The following DHRSX variants were observed in gnomAD, a reference collection of about 807,000 sequenced individuals.
DHRSX encodes polyprenol dehydrogenase.
In DHRSX, 31 loss-of-function variants were observed where a neutral mutation model predicts 34.0. The ratio of observed to expected loss-of-function variants is 0.91; its 90% CI spans 0.69 to 1.23. The LOEUF is 1.23. Ranked by LOEUF, DHRSX falls within the 50% of genes most tolerant of loss-of-function variation. DHRSX has a pLI of 0.00. For synonymous variants in DHRSX, 201 were observed against 183.8 expected (o/e 1.09, Z -0.76); for missense variants, 414 against 428.1 (o/e 0.97, Z 0.29).
At chrX:2,397,062 G>A (rs958376957) in intron 3 of DHRSX, among the ~76,000 whole-genome samples, 1 of 151,902 alleles carries the variant, frequency 6.6e-6, no homozygotes. Context: ...GTACAGGGTC[G>A]CGATCATGGC....
At chrX:2,417,529 C>A (rs1379035640) in intron 2 of DHRSX, among the ~76,000 whole-genome samples, 1 of 152,102 alleles carries the variant, frequency 6.6e-6, no homozygotes, top group Non-Finnish European at 1.5e-5. Context: ...TCATCATGAT[C>A]TATCCACTAG....
rs1487610423 is a variant in DHRSX, at chrX:2,220,941, G to A, written c.*100C>T. On this transcript the variant is annotated 3_prime_UTR_variant, in exon 7 of 7. Coordinates refer to ENST00000334651, the MANE Select transcript of DHRSX (RefSeq NM_145177.3). ...CTAGAGGACAGAGCCCTGTGGGCAGGTGGGTGTGAGAAACTCAAACACCGC... is the reference window on the plus strand; with the variant it reads ...CTAGAGGACAGAGCCCTGTGGGCAGATGGGTGTGAGAAACTCAAACACCGC... 3 of 1,157,422 alleles carry A rather than the reference G, an allele frequency of 2.6e-6. No individual in the cohort carries two copies. The highest frequency in any genetic ancestry group is 2.5e-6 in the Non-Finnish European group (2 of 805,448). The allele number at this position is 1,157,422 out of a possible 1,614,324, so 71.7% of individuals were successfully genotyped here.
At chrX:2,491,317 G>A (rs563222020) in intron 1 of DHRSX, among the ~76,000 whole-genome samples, 7 of 152,210 alleles carry the variant, frequency 4.6e-5, no homozygotes, top group East Asian at 1.9e-4. Flanking sequence ...TGATCCACCC[G>A]CCTTGGCCTC....
intron 3 of DHRSX, among the ~76,000 whole-genome samples, chrX:2,356,307 A>G (rs1303212841): frequency 2.0e-5 from 3 of 151,998 alleles, no homozygotes; most frequent in African/African-American, 7.3e-5. Context: ...CCCAGGAGGC[A>G]GAGGTTGCAG....
In DHRSX at chrX:2,257,885, C is replaced by T. The variant is rs753330121; in HGVS notation, c.596+8855G>A. Reference sequence around the variant, plus strand: ...CAGGTGATCCACCTGCCTCAGCCTCCCAAAGTGCTGGGATTACAGGCATGA... The same window carrying T: ...CAGGTGATCCACCTGCCTCAGCCTCTCAAAGTGCTGGGATTACAGGCATGA... On this transcript the variant is annotated intron_variant, in intron 5 of 6. Transcript: ENST00000334651. 2.9e-3 allele frequency among the ~76,000 whole-genome samples: 444 copies of T among 152,242 alleles called. 3 individuals carry two copies. Among genetic ancestry groups the T allele is most frequent in the Non-Finnish European group, 5.2e-3 (353 of 68,024 alleles).
At chrX:2,474,495 A>C (rs73179254) in intron 1 of DHRSX, among the ~76,000 whole-genome samples, 31,204 of 149,294 alleles carry the variant, frequency 0.21, 4,297 homozygotes, top group African/African-American at 0.4. Context: ...GCTCCCTAAG[A>C]ATGTGGCCAA....
rs141325801 is a variant in DHRSX, at chrX:2,398,588, G to A, written c.286+10157C>T. On this transcript the variant is annotated intron_variant, in intron 3 of 6. Transcript: ENST00000334651. ...TTAAGTATTTAAAGGCCCATGGAAA[G>A]GCGCTTTTGCTCTTTAGTGAAAATA... is the stretch of plus-strand genomic sequence containing the variant. Among the ~76,000 whole-genome samples the A allele has an allele frequency of 6.2e-3, 951 of 152,208 alleles. 2 individuals carry two copies. The highest frequency in any genetic ancestry group is 0.022 in the African/African-American group (910 of 41,524).
chrX:2,269,412 C>T (rs1326110003), intron 4 of DHRSX, among the ~76,000 whole-genome samples: 2 of 152,076 alleles, frequency 1.3e-5, no homozygotes, highest in Admixed American at 6.5e-5. Flanking sequence ...GATATCTACA[C>T]ATATATAGGC....
At chrX:2,277,411 G>A (rs1307485083) in intron 4 of DHRSX, among the ~76,000 whole-genome samples, 3 of 58,430 alleles carry the variant, frequency 5.1e-5, no homozygotes, top group Non-Finnish European at 5.1e-5. Context: ...GAGAAGGAGG[G>A]GAGGAAATAG....
chrX:2,356,036 A>T (rs1276965074), intron 3 of DHRSX, among the ~76,000 whole-genome samples: 2 of 144,240 alleles, frequency 1.4e-5, no homozygotes, highest in Non-Finnish European at 3.0e-5. Flanking sequence ...ATTGCACTCC[A>T]CCCTGGGCAA....
intron 5 of DHRSX, among the ~76,000 whole-genome samples, chrX:2,263,557 C>G (rs775585550): frequency 6.7e-6 from 1 of 148,806 alleles, no homozygotes; most frequent in Non-Finnish European, 1.5e-5. Flanking sequence ...GTTGTTACTC[C>G]GGCTGGAGTG....
chrX:2,231,610 T>A (rs2015883310), intron 6 of DHRSX, among the ~76,000 whole-genome samples: 4 of 37,824 alleles, frequency 1.1e-4, no homozygotes, highest in Admixed American at 8.3e-4. Flanking sequence ...TTTTCCCTTA[T>A]TCTCCTTTCC....
At chrX:2,421,962 C>T (rs4892862) in intron 2 of DHRSX, among the ~76,000 whole-genome samples, 122,480 of 152,152 alleles carry the variant, frequency 0.8, 49,861 homozygotes, top group East Asian at 0.94. Flanking sequence ...CCAATGAGCA[C>T]CAACAGATGT....
intron 1 of DHRSX, among the ~76,000 whole-genome samples, chrX:2,471,874 G>A (rs758640748): frequency 6.8e-4 from 104 of 152,192 alleles, no homozygotes; most frequent in African/African-American, 2.5e-3. Flanking sequence ...GGTTGGGTGT[G>A]GTGGCTCACA....
At chrX:2,368,062 T>G (rs1265471323) in intron 3 of DHRSX, among the ~76,000 whole-genome samples, 48 of 151,568 alleles carry the variant, frequency 3.2e-4, no homozygotes, top group Admixed American at 3.1e-3. Context: ...GGCCAACATG[T>G]CAAAACCCCA....
chrX:2,359,633 G>A (rs1032270451), intron 3 of DHRSX, among the ~76,000 whole-genome samples: 9 of 151,884 alleles, frequency 5.9e-5, no homozygotes, highest in Non-Finnish European at 8.8e-5. Flanking sequence ...GAATTTTCAA[G>A]GGTACTGCAC....
At chrX:2,382,383 T>C (rs1193980448) in intron 3 of DHRSX, among the ~76,000 whole-genome samples, 4 of 152,070 alleles carry the variant, frequency 2.6e-5, no homozygotes, top group East Asian at 1.9e-4. Flanking sequence ...TAGAGCAAGA[T>C]TGTTTCAGGA....
At position 2,220,530 on chromosome X, in the gene DHRSX, G is replaced by A. The variant is rs777058854; in HGVS notation, c.*511C>T. 13 of 155,892 alleles carry A rather than the reference G, an allele frequency of 8.3e-5. No homozygotes were observed. Among genetic ancestry groups the A allele is most frequent in the South Asian group, 2.0e-4 (1 of 5,020 alleles). The allele number at this position is 155,892 out of a possible 1,614,324, so 9.7% of individuals were successfully genotyped here. A position where few individuals can be genotyped will look rare whatever the true frequency, so the allele number is the denominator to read the frequency against. ...TTGACCAGATGGTGCTGCTGGCCAC[G>A]TCAAACTCATCCTACAGGCTGTAGC... is the stretch of plus-strand genomic sequence containing the variant. On this transcript the variant is annotated 3_prime_UTR_variant, in exon 7 of 7. Coordinates refer to ENST00000334651, the MANE Select transcript of DHRSX (RefSeq NM_145177.3).
At chrX:2,431,638 T>C (rs910056432) in intron 1 of DHRSX, among the ~76,000 whole-genome samples, 3 of 152,180 alleles carry the variant, frequency 2.0e-5, no homozygotes, top group African/African-American at 7.2e-5. Flanking sequence ...CATTCTCCTA[T>C]GTGAATTAAC....
Sources: allele counts gnomAD v4.1 joint callset (sites outside exome capture counted in the v4.1 genomes callset), GRCh38; gene constraint gnomAD v4.1.1; transcripts MANE v1.5; gene names NCBI Gene and HGNC (gene_info 2026-07-23, HGNC 2026-07-21).